The following AOPEP variants were observed in gnomAD, a reference collection of about 807,000 sequenced individuals.
The protein encoded by AOPEP is aminopeptidase O.
AOPEP carries 77 observed loss-of-function variants against 98.1 expected under a neutral mutation model. That is an observed-to-expected ratio of 0.78 (90% confidence interval 0.65 to 0.95). The LOEUF is 0.95. AOPEP is among the 40% of genes least tolerant of loss of function. The probability of loss-of-function intolerance (pLI) is 0.00; values close to 1 mark genes in which losing one functional copy is unlikely to be tolerated. For synonymous variants in AOPEP, 346 were observed against 365.3 expected, an observed-to-expected ratio of 0.95 and a Z score of 0.60; for missense variants, 1,024 against 1,024.7, an observed-to-expected ratio of 1.00 and a Z score of 0.01.
intron 6 of AOPEP, among the ~76,000 whole-genome samples, chr9:94,925,522 CTG>C (rs1447056729): frequency 2.0e-5 from 3 of 152,390 alleles, no homozygotes; most frequent in Non-Finnish European, 4.4e-5. Context: ...CTCCTACACA[CTG>C]TGGGTTCCCA....
At chr9:95,029,396 G>A (rs902555220) in intron 13 of AOPEP, among the ~76,000 whole-genome samples, 2 of 152,100 alleles carry the variant, frequency 1.3e-5, no homozygotes, top group African/African-American at 2.4e-5. Flanking sequence ...CCTGTAAACC[G>A]GTGTGGCCCC....
chr9:95,093,677 G>A, the AOPEP span, among the ~76,000 whole-genome samples: 4 of 152,300 alleles, frequency 2.6e-5, no homozygotes, highest in Admixed American at 6.5e-5. Flanking sequence ...CCACCCTGGC[G>A]CCGGCAAGCA....
intron 10 of AOPEP, among the ~76,000 whole-genome samples, chr9:94,977,008 G>C (rs1202536063): frequency 6.6e-6 from 1 of 152,190 alleles, no homozygotes; most frequent in African/African-American, 2.4e-5. Context: ...AGGATCGCTT[G>C]AAGGATGGGT....
chr9:95,092,688 T>C, the AOPEP span, among the ~76,000 whole-genome samples: 2 of 152,172 alleles, frequency 1.3e-5, no homozygotes, highest in African/African-American at 4.8e-5. Context: ...GGTGGGGTGC[T>C]GAAGCTGCCC....
chr9:94,885,092 T>TAATC (rs2048058198), intron 5 of AOPEP, among the ~76,000 whole-genome samples: 1 of 151,288 alleles, frequency 6.6e-6, no homozygotes, highest in South Asian at 2.1e-4. Context: ...CTCACGCCTG[T>TAATC]AATCCCAGCA....
At chr9:94,736,213 TC>T (rs1831734143) in intron 1 of AOPEP, among the ~76,000 whole-genome samples, 1 of 152,158 alleles carries the variant, frequency 6.6e-6, no homozygotes, top group South Asian at 2.1e-4. Flanking sequence ...GGATTTAGAG[TC>T]CCTTCTGTTC....
chr9:95,003,165 T>TGTGCGC (rs1196387961), intron 11 of AOPEP, among the ~76,000 whole-genome samples: 1 of 145,948 alleles, frequency 6.9e-6, no homozygotes, highest in Non-Finnish European at 1.5e-5. Context: ...TGTGTGTGTG[T>TGTGCGC]GCGCGCGCGC....
intron 14 of AOPEP, among the ~76,000 whole-genome samples, chr9:95,072,345 T>C (rs1367165212): frequency 2.6e-5 from 4 of 152,256 alleles, no homozygotes; most frequent in Non-Finnish European, 5.9e-5. Context: ...AATCTGGTTC[T>C]GGACACATGA....
chr9:95,015,430 T>G (rs185420493), intron 13 of AOPEP, among the ~76,000 whole-genome samples: 1 of 152,360 alleles, frequency 6.6e-6, no homozygotes, highest in African/African-American at 2.4e-5. Context: ...GCATAACACA[T>G]TTCTTATTAA....
chr9:94,914,672 C>G (rs2052553319), intron 5 of AOPEP, among the ~76,000 whole-genome samples: 2 of 151,908 alleles, frequency 1.3e-5, no homozygotes, highest in Non-Finnish European at 2.9e-5. Context: ...ATAAAATCTT[C>G]CCATTTATAA....
the AOPEP span, chr9:95,125,188 G>A: frequency 5.0e-6 from 8 of 1,611,846 alleles, no homozygotes; most frequent in Non-Finnish European, 5.9e-6. Flanking sequence ...GTGCACACCT[G>A]AACAATGCAA....
chr9:94,983,205 A>G (rs900180754), intron 11 of AOPEP, among the ~76,000 whole-genome samples: 1 of 152,074 alleles, frequency 6.6e-6, no homozygotes, highest in Non-Finnish European at 1.5e-5. Context: ...TTGTATTTTT[A>G]GTAGAGACGG....
At chr9:95,129,824 G>A in the AOPEP span, among the ~76,000 whole-genome samples, 1 of 152,106 alleles carries the variant, frequency 6.6e-6, no homozygotes, top group African/African-American at 2.4e-5. Context: ...ACTAGGGAGC[G>A]AAGATGGAGA....
chr9:95,084,953 A>G (rs985858386), intron 16 of AOPEP, among the ~76,000 whole-genome samples: 1 of 152,248 alleles, frequency 6.6e-6, no homozygotes, highest in African/African-American at 2.4e-5. Flanking sequence ...TAGCAAGGAC[A>G]GCTGCCTTTA....
rs71366265 is a variant in AOPEP at position 94,875,347 on chromosome 9, G to GAAAAAAAAAA, written c.1365-48623_1365-48614dup. Among the ~76,000 whole-genome samples, 8 of 71,508 alleles carry GAAAAAAAAAA rather than the reference G, an allele frequency of 1.1e-4. 1 individual carries two copies. The highest frequency in any genetic ancestry group is 4.2e-4 in the East Asian group (1 of 2,378). 46.9% of individuals were successfully genotyped at this position (71,508 alleles called of 152,430 possible). ...AATTTAACAGAGTTTAATTGAGCAA[G>GAAAAAAAAAA]AAAAAAAAAAAAAAAAAAAAAAAAA... On this transcript the variant is annotated intron_variant, in intron 5 of 16. Transcript: ENST00000375315.
At chr9:94,830,549 A>G (rs1258184369) in intron 5 of AOPEP, among the ~76,000 whole-genome samples, 3 of 152,208 alleles carry the variant, frequency 2.0e-5, no homozygotes, top group African/African-American at 7.2e-5. Context: ...TCCTTTGGGT[A>G]TATACCCTGT....
the AOPEP span, among the ~76,000 whole-genome samples, chr9:95,149,510 G>A: frequency 2.7e-5 from 4 of 149,854 alleles, no homozygotes; most frequent in Non-Finnish European, 5.9e-5. Flanking sequence ...ATGGAGTCTC[G>A]CTCTGTTGCC....
chr9:94,742,961 C>G (rs1283366574), intron 1 of AOPEP, among the ~76,000 whole-genome samples: 1 of 151,886 alleles, frequency 6.6e-6, no homozygotes, highest in African/African-American at 2.4e-5. Flanking sequence ...CAAGTTGAAT[C>G]CTTTTTGTAG....
At chr9:94,772,031 A>G (rs1306449589) in intron 2 of AOPEP, among the ~76,000 whole-genome samples, 2 of 152,242 alleles carry the variant, frequency 1.3e-5, no homozygotes, top group Admixed American at 1.3e-4. Flanking sequence ...TGTGAACACA[A>G]TAAATGCTCA....
Sources: allele counts gnomAD v4.1 joint callset (sites outside exome capture counted in the v4.1 genomes callset), GRCh38; gene constraint gnomAD v4.1.1; transcripts MANE v1.5; gene names NCBI Gene and HGNC (gene_info 2026-07-23, HGNC 2026-07-21).